DPP6: variants seen among roughly 807,000 people sequenced by gnomAD.
DPP6 encodes A-type potassium channel modulatory protein DPP6.
DPP6 carries 69 observed loss-of-function variants against 122.6 expected under a neutral mutation model. That is an observed-to-expected ratio of 0.56 (90% CI 0.46 to 0.69). DPP6 has a LOEUF of 0.69. DPP6 is among the 30% of genes least tolerant of loss of function. The pLI, the probability that DPP6 is intolerant of heterozygous loss-of-function variation, is 0.00. For missense variants in DPP6, 928 were observed against 1,116.9 expected (o/e 0.83, Z 2.41); for synonymous variants, 418 against 433.1 (o/e 0.97, Z 0.43).
At chr7:153,958,176 A>C (rs1017618009) in intron 1 of DPP6, among the ~76,000 whole-genome samples, 1 of 152,072 alleles carries the variant, frequency 6.6e-6, no homozygotes, top group Non-Finnish European at 1.5e-5. Flanking sequence ...AAACAAACAA[A>C]AAAACAAGCA....
intron 1 of DPP6, among the ~76,000 whole-genome samples, chr7:154,163,715 A>G (rs868721031): frequency 2.0e-4 from 30 of 152,292 alleles, no homozygotes; most frequent in Middle Eastern, 3.4e-3. Context: ...GAGGTGATTT[A>G]TCCTGTAAGA....
the DPP6 span, among the ~76,000 whole-genome samples, chr7:153,800,523 C>A: frequency 6.6e-6 from 1 of 152,112 alleles, no homozygotes; most frequent in South Asian, 2.1e-4. Context: ...CTACAGTTAA[C>A]GAAACTTTTT....
At chr7:154,176,737 C>T (rs1036486408) in intron 1 of DPP6, among the ~76,000 whole-genome samples, 1 of 152,344 alleles carries the variant, frequency 6.6e-6, no homozygotes, top group Middle Eastern at 3.4e-3. Flanking sequence ...TTATGGCGAC[C>T]CTCGGAAGAG....
chr7:153,925,014 T>C (rs911652930), intron 1 of DPP6, among the ~76,000 whole-genome samples: 1 of 152,190 alleles, frequency 6.6e-6, no homozygotes, highest in Non-Finnish European at 1.5e-5. Context: ...ACTTCAGGGC[T>C]GTGGGTCTTC....
rs567349891 is a variant in DPP6, at chr7:153,968,066, G to A, written c.51+80332G>A. On this transcript the variant is annotated intron_variant, in intron 1 of 25. Transcript: ENST00000404039. ...TGGTAGAATTATTTATTTTCCTTTG[G>A]ATATATACCCAGTAGTGGGATTGCT... is the stretch of plus-strand genomic sequence containing the variant. 1.2e-3 allele frequency among the ~76,000 whole-genome samples: 174 copies of A among 150,138 alleles called. No homozygotes were observed. The Middle Eastern group carries it at 0.017, about 15-fold the overall frequency.
chr7:154,393,863 T>A (rs941146723), intron 1 of DPP6, among the ~76,000 whole-genome samples: 1 of 152,190 alleles, frequency 6.6e-6, no homozygotes, highest in African/African-American at 2.4e-5. Context: ...TGATTTTGAC[T>A]ACTCTTAAGT....
At chr7:154,369,234 A>G (rs1014245142) in intron 1 of DPP6, among the ~76,000 whole-genome samples, 1 of 152,202 alleles carries the variant, frequency 6.6e-6, no homozygotes, top group African/African-American at 2.4e-5. Context: ...AGCTGGGATT[A>G]AAGACACGCA....
At chr7:154,057,686 G>A (rs1263076401) in intron 1 of DPP6, 1 of 150,538 alleles carries the variant, frequency 6.6e-6, no homozygotes, top group Non-Finnish European at 1.5e-5. Context: ...GTCACAAAGG[G>A]GGCGGGGACC....
chr7:154,463,208 T>TTTC (rs1563711074), intron 2 of DPP6, among the ~76,000 whole-genome samples: 5 of 92,580 alleles, frequency 5.4e-5, no homozygotes, highest in African/African-American at 2.0e-4. Flanking sequence ...TTTTTTTTTT[T>TTTC]TTTTTTTTTT....
At chr7:154,178,589 C>T (rs1275912586) in intron 1 of DPP6, among the ~76,000 whole-genome samples, 1 of 151,706 alleles carries the variant, frequency 6.6e-6, no homozygotes, top group Admixed American at 6.6e-5. Context: ...GCAGTAAAAA[C>T]ACGTTCCATT....
chr7:154,437,916 GAC>G (rs1819003918), intron 1 of DPP6, among the ~76,000 whole-genome samples: 2 of 152,158 alleles, frequency 1.3e-5, no homozygotes, highest in Admixed American at 6.5e-5. Flanking sequence ...CAGCCTGGAT[GAC>G]AGTGAGACTC....
chr7:154,065,530 G>A (rs1279149549), intron 1 of DPP6, among the ~76,000 whole-genome samples: 1 of 151,360 alleles, frequency 6.6e-6, no homozygotes, highest in Admixed American at 6.6e-5. Flanking sequence ...TGTCCTCACT[G>A]GCCGGGTGCA....
intron 21 of DPP6, chr7:154,884,704 CACACATGATCACACAT>C (rs1805971090): frequency 1.3e-5 from 2 of 150,780 alleles, no homozygotes; most frequent in East Asian, 2.0e-4. Flanking sequence ...ATCACACAGG[CACACATGATCACACAT>C]ACACAGGCTT....
rs371117620 is a variant in DPP6 at position 154,221,025 on chromosome 7, C to T, written c.243+167962C>T. ...TTGATTGAAACTCAAGTTTGAAGAG[C>T]GTTTGCTGGGTGCCAGGCATAAAAA... On this transcript the variant is annotated intron_variant, in intron 1 of 25. Transcript: ENST00000377770. 2.8e-4 allele frequency among the ~76,000 whole-genome samples: 42 copies of T among 152,226 alleles called. No homozygotes were observed. In the East Asian group the frequency reaches 5.0e-3, roughly 18 times the overall value.
chr7:154,577,800 T>C (rs1255177100), intron 5 of DPP6, among the ~76,000 whole-genome samples: 5 of 152,220 alleles, frequency 3.3e-5, no homozygotes, highest in African/African-American at 1.2e-4. Flanking sequence ...CTGGCCATTA[T>C]CGTAGCTCAT....
chr7:153,825,499 TACCAGACAGTGC>T, the DPP6 span, among the ~76,000 whole-genome samples: 1 of 152,206 alleles, frequency 6.6e-6, no homozygotes. Flanking sequence ...CCCTCCATTG[TACCAGACAGTGC>T]CCCTTAGGGA....
the DPP6 span, among the ~76,000 whole-genome samples, chr7:153,761,337 T>C: frequency 1.3e-5 from 2 of 152,216 alleles, no homozygotes; most frequent in African/African-American, 2.4e-5. Flanking sequence ...TATGAGAAAT[T>C]TTAAATTAGG....
At chr7:154,074,382 G>T (rs1803398906) in intron 1 of DPP6, among the ~76,000 whole-genome samples, 1 of 151,876 alleles carries the variant, frequency 6.6e-6, no homozygotes, top group Non-Finnish European at 1.5e-5. Flanking sequence ...TCATGAAGAG[G>T]AACATTTCTG....
chr7:154,875,987 G>A lies in DPP6; in HGVS notation c.1965G>A (p.Ala655=), dbSNP rs753216494. Residue 655 remains alanine (A), a synonymous_variant, in exon 20 of 26, where the codon GCG becomes GCA. Coordinates refer to ENST00000377770, the MANE Select transcript of DPP6 (RefSeq NM_130797.4). The surrounding 1 kb of genome is among the most constrained non-coding windows in gnomAD (Gnocchi z 4.5). The part of the protein sequence containing the change: ...WETVMVSSHG[A]VVVKCDGRGS... Reference sequence around the variant, plus strand: ...CGGTGATGGTGAGCAGCCACGGCGCGGTGGTGGTAAAGTGTGACGGCCGTG... The same window carrying A: ...CGGTGATGGTGAGCAGCCACGGCGCAGTGGTGGTAAAGTGTGACGGCCGTG... 24 of 1,613,492 alleles carry A rather than the reference G, an allele frequency of 1.5e-5. No individual in the cohort carries two copies. Among genetic ancestry groups the A allele is most frequent in the African/African-American group, 6.7e-5 (5 of 74,918 alleles).
Sources: allele counts gnomAD v4.1 joint callset (sites outside exome capture counted in the v4.1 genomes callset), GRCh38; gene constraint gnomAD v4.1.1; non-coding constraint Gnocchi (gnomAD v3.1); transcripts MANE v1.5; gene names NCBI Gene and HGNC (gene_info 2026-07-23, HGNC 2026-07-21).